The following PCDHGA11 variants were observed in gnomAD, a reference collection of about 807,000 sequenced individuals.
PCDHGA11 encodes the protein protocadherin gamma subfamily A, 11.
A neutral mutation model predicts 60.4 loss-of-function variants in PCDHGA11; 39 were observed. The observed-to-expected ratio is 0.65, with a 90% CI of 0.50 to 0.84. The LOEUF is 0.84. Ranked by LOEUF, PCDHGA11 falls within the 40% of genes least tolerant of loss-of-function variation. The pLI is 0.00. For synonymous variants in PCDHGA11, 533 were observed against 510.3 expected (o/e 1.04, Z -0.60); for missense variants, 1,165 against 1,197.7 (o/e 0.97, Z 0.40).
rs1438257730 is a variant in PCDHGA11, at chr5:141,477,587, C to G, written c.2434-17220C>G. 4.3e-6 allele frequency: 7 copies of G among 1,614,094 alleles called. 1 individual carries two copies. In the South Asian group the frequency reaches 7.7e-5, roughly 18 times the overall value. ...GGACCCCGACGCCCCGCAGAATGCT[C>G]GGCTTTCTTTCTTTCTCTTGGAGCA... On this transcript the variant is annotated intron_variant, in intron 1 of 3. Transcript: ENST00000398587. The surrounding 1 kb of genome is among the most constrained non-coding windows in gnomAD (Gnocchi z 4.9).
At position 141,421,203 on chromosome 5, in the gene PCDHGA11, G is replaced by A. The variant is rs779780797; in HGVS notation, c.-25G>A. 4 of 1,522,494 alleles carry A rather than the reference G, an allele frequency of 2.6e-6. No homozygotes were observed. The highest frequency in any genetic ancestry group is 1.4e-5 in the African/African-American group (1 of 72,216). The allele number at this position is 1,522,494 out of a possible 1,614,324, so 94.3% of individuals were successfully genotyped here. A position where few individuals can be genotyped will look rare whatever the true frequency, so the allele number is the denominator to read the frequency against. ...TCACAACCAACCAGCTCGAGAAACC[G>A]CGGAATATCGGCTTAGAGCCTGCCA... is the stretch of plus-strand genomic sequence containing the variant. On this transcript the variant is annotated 5_prime_UTR_variant, in exon 1 of 4. Transcript: ENST00000398587.
At chr5:141,483,584 T>C (rs2099583159) in intron 1 of PCDHGA11, among the ~76,000 whole-genome samples, 1 of 152,064 alleles carries the variant, frequency 6.6e-6, no homozygotes, top group African/African-American at 2.4e-5. Context: ...CATAAACACC[T>C]AATAGGTCAG....
Position 141,489,934 on chromosome 5 carries a change from G to A in PCDHGA11, c.2434-4873G>A, listed in dbSNP as rs777780708. 1.7e-5 allele frequency: 28 copies of A among 1,614,176 alleles called. No homozygotes were observed. Among genetic ancestry groups the A allele is most frequent in the East Asian group, 6.7e-5 (3 of 44,876 alleles). On this transcript the variant is annotated intron_variant, in intron 1 of 3. Coordinates refer to ENST00000398587, the MANE Select transcript of PCDHGA11 (RefSeq NM_018914.3). This position sits in a 1 kb window ranked among gnomAD's most constrained non-coding sequence, Gnocchi z 4.5. ...AGGGACCACCCTTATCTCTGTCATCGTGCTGGACATCAATGATAATGCTCC... is the reference window on the plus strand; with the variant it reads ...AGGGACCACCCTTATCTCTGTCATCATGCTGGACATCAATGATAATGCTCC...
chr5:141,487,811 A>T lies in PCDHGA11; in HGVS notation c.2434-6996A>T, dbSNP rs1389081995. 2.1e-6 allele frequency: 3 copies of T among 1,414,662 alleles called. No homozygotes were observed. In the African/African-American group the frequency reaches 4.3e-5, roughly 20 times the overall value. 87.6% of individuals were successfully genotyped at this position (1,414,662 alleles called of 1,614,324 possible). A position where few individuals can be genotyped will look rare whatever the true frequency, so the allele number is the denominator to read the frequency against. ...TTAACCAGAGTTGTCACAGTTTAGCATTGGGGGCGGGTCATGCCTATATCT... is the reference window on the plus strand; with the variant it reads ...TTAACCAGAGTTGTCACAGTTTAGCTTTGGGGGCGGGTCATGCCTATATCT... On this transcript the variant is annotated intron_variant, in intron 1 of 3. Transcript: ENST00000398587. The surrounding 1 kb of genome is among the most constrained non-coding windows in gnomAD (Gnocchi z 5.0).
intron 2 of PCDHGA11, among the ~76,000 whole-genome samples, chr5:141,498,421 A>C (rs1328848787): frequency 6.6e-6 from 1 of 152,016 alleles, no homozygotes; most frequent in Non-Finnish European, 1.5e-5. Flanking sequence ...CTGGCACTGG[A>C]GTGAGGGGAT....
At chr5:141,481,722 G>A (rs546676646) in intron 1 of PCDHGA11, among the ~76,000 whole-genome samples, 1 of 152,214 alleles carries the variant, frequency 6.6e-6, no homozygotes, top group African/African-American at 2.4e-5. Flanking sequence ...GGGAGGCGGA[G>A]GCGGGCGGAT....
At chr5:141,506,231 A>G (rs1453468632) in intron 3 of PCDHGA11, among the ~76,000 whole-genome samples, 4 of 152,082 alleles carry the variant, frequency 2.6e-5, no homozygotes, top group African/African-American at 4.8e-5. Context: ...CAGGAGGATC[A>G]TGAGGTCAGG....
intron 1 of PCDHGA11, chr5:141,441,038 G>T (rs1263659082): frequency 1.3e-5 from 2 of 152,156 alleles, no homozygotes; most frequent in Non-Finnish European, 2.9e-5. Flanking sequence ...AAAACTTTAA[G>T]TACATTGGAC....
intron 2 of PCDHGA11, among the ~76,000 whole-genome samples, chr5:141,501,200 G>A (rs888856586): frequency 1.3e-5 from 2 of 151,854 alleles, no homozygotes; most frequent in African/African-American, 4.8e-5. Context: ...AATTCAGGGT[G>A]TTGTCAGGGT....
intron 1 of PCDHGA11, chr5:141,479,399 T>C (rs2099494765): frequency 6.6e-6 from 1 of 152,576 alleles, no homozygotes; most frequent in African/African-American, 2.4e-5. Flanking sequence ...AGTTCTGGGC[T>C]GTGGTGCACT....
rs972633773 is a variant in PCDHGA11, at chr5:141,489,751, A to T, written c.2434-5056A>T. ...GGGCACCAATACTGTGAGCTTTTAC[A>T]CTCTAAGCCCCAACAGCCACTTCTC... On this transcript the variant is annotated intron_variant, in intron 1 of 3. Coordinates refer to ENST00000398587, the MANE Select transcript of PCDHGA11 (RefSeq NM_018914.3). The surrounding 1 kb of genome is among the most constrained non-coding windows in gnomAD (Gnocchi z 4.5). The T allele has an allele frequency of 1.9e-6, 3 of 1,613,740 alleles. No individual in the cohort carries two copies. Among genetic ancestry groups the T allele is most frequent in the African/African-American group, 2.7e-5 (2 of 74,840 alleles).
At chr5:141,452,954 T>A (rs1315313825) in intron 1 of PCDHGA11, among the ~76,000 whole-genome samples, 5 of 152,220 alleles carry the variant, frequency 3.3e-5, no homozygotes, top group Non-Finnish European at 1.5e-5. Context: ...ATTGGTTGTC[T>A]TTAAACTGAG....
chr5:141,490,923 C>T lies in PCDHGA11; in HGVS notation c.2434-3884C>T. The T allele has an allele frequency of 6.2e-7, 1 of 1,613,668 alleles. No homozygotes were observed. Among genetic ancestry groups the T allele is most frequent in the South Asian group, 1.1e-5 (1 of 91,050 alleles). On this transcript the variant is annotated intron_variant, in intron 1 of 3. Coordinates refer to ENST00000398587, the MANE Select transcript of PCDHGA11 (RefSeq NM_018914.3). The surrounding 1 kb of genome is among the most constrained non-coding windows in gnomAD (Gnocchi z 5.4). ...TTGTCCTAGACGAGAATGATAATGC[C>T]CCAGCTGTGCTGCACCCACGGCCAG...
At chr5:141,466,104 AGAGT>A (rs2154569127) in intron 1 of PCDHGA11, among the ~76,000 whole-genome samples, 1 of 152,144 alleles carries the variant, frequency 6.6e-6, no homozygotes, top group Admixed American at 6.5e-5. Flanking sequence ...CCTGGGCAAC[AGAGT>A]GAGACTCCAG....
chr5:141,491,381 C>A lies in PCDHGA11; in HGVS notation c.2434-3426C>A. On this transcript the variant is annotated intron_variant, in intron 1 of 3. Transcript: ENST00000398587. This position sits in a 1 kb window ranked among gnomAD's most constrained non-coding sequence, Gnocchi z 6.9. ...CTAGTCACCTTCACCTTTCTGTCAGCGAAGTGCCTTCAGGGAAACGCAGAC... is the reference window on the plus strand; with the variant it reads ...CTAGTCACCTTCACCTTTCTGTCAGAGAAGTGCCTTCAGGGAAACGCAGAC... 2 of 1,614,068 alleles carry A rather than the reference C, an allele frequency of 1.2e-6. No homozygotes were observed. The highest frequency in any genetic ancestry group is 1.7e-6 in the Non-Finnish European group (2 of 1,179,950).
rs2099748976 is a variant in PCDHGA11, at chr5:141,493,566, C to G, written c.2434-1241C>G. Among the ~76,000 whole-genome samples, 1 of 152,168 alleles carries G rather than the reference C, an allele frequency of 6.6e-6. No individual in the cohort carries two copies. Among genetic ancestry groups the G allele is most frequent in the African/African-American group, 2.4e-5 (1 of 41,436 alleles). ...TTTTGGAGATTGAGTTCCCCCAGCT[C>G]CGTTTCCTCCTATCACAATCACTGC... is the stretch of plus-strand genomic sequence containing the variant. On this transcript the variant is annotated intron_variant, in intron 1 of 3. Transcript: ENST00000398587. The surrounding 1 kb of genome is among the most constrained non-coding windows in gnomAD (Gnocchi z 4.3).
rs745883683 is a variant in PCDHGA11, at chr5:141,421,505, G to A, written c.278G>A (p.Arg93Gln). 1.9e-6 allele frequency: 3 copies of A among 1,614,058 alleles called. No homozygotes were observed. Among genetic ancestry groups the A allele is most frequent in the South Asian group, 1.1e-5 (1 of 91,084 alleles). The change falls in exon 1 of 4, where the codon CGG becomes CAG. Residue 93 changes from arginine (R) to glutamine (Q), a missense_variant. Physicochemically the swap from Arg to Gln is conservative, Grantham distance 43. Coordinates refer to ENST00000398587, the MANE Select transcript of PCDHGA11 (RefSeq NM_018914.3). ...GSLITAGRIDREELCETVSSC... is the reference protein window; with the variant it reads ...GSLITAGRIDQEELCETVSSC... ...TTGATCACGGCAGGCAGGATAGACCGGGAGGAGCTCTGTGAGACGGTGTCC... is the reference window on the plus strand; with the variant it reads ...TTGATCACGGCAGGCAGGATAGACCAGGAGGAGCTCTGTGAGACGGTGTCC...
intron 1 of PCDHGA11, among the ~76,000 whole-genome samples, chr5:141,492,080 G>A (rs576661909): frequency 6.6e-6 from 1 of 152,352 alleles, no homozygotes; most frequent in African/African-American, 2.4e-5. Context: ...GCCGGCTCCG[G>A]CACGCTTCGC....
intron 1 of PCDHGA11, among the ~76,000 whole-genome samples, chr5:141,424,839 A>G (rs1264853498): frequency 6.6e-6 from 1 of 152,198 alleles, no homozygotes; most frequent in Non-Finnish European, 1.5e-5. Context: ...CATACATGTT[A>G]TCTGAAGCAA....
Sources: allele counts gnomAD v4.1 joint callset (sites outside exome capture counted in the v4.1 genomes callset), GRCh38; gene constraint gnomAD v4.1.1; non-coding constraint Gnocchi (gnomAD v3.1); transcripts MANE v1.5; gene names NCBI Gene and HGNC (gene_info 2026-07-23, HGNC 2026-07-21).